The following PCDH15 variants were observed in gnomAD, a reference collection of about 807,000 sequenced individuals.
PCDH15 encodes the protein protocadherin related 15.
Under a neutral mutation model 178.5 loss-of-function variants are expected in PCDH15, and 129 were observed. That is an observed-to-expected ratio of 0.72 (90% CI 0.63 to 0.84). The LOEUF is 0.84. Among genes scored for constraint, PCDH15 ranks in the 40% least tolerant of loss-of-function variants. PCDH15 has a pLI of 0.00. For missense variants in PCDH15, 2,230 were observed against 2,099.9 expected (o/e 1.06, Z -1.21); for synonymous variants, 800 against 732.0 (o/e 1.09, Z -1.50).
chr10:54,700,802 G>A (rs2095299618), intron 1 of PCDH15, among the ~76,000 whole-genome samples: 2 of 151,998 alleles, frequency 1.3e-5, no homozygotes, highest in Non-Finnish European at 2.9e-5. Context: ...TGGGATATAG[G>A]CCATGAAAAT....
chr10:54,618,303 C>T (rs2093246508), intron 2 of PCDH15, among the ~76,000 whole-genome samples: 1 of 151,946 alleles, frequency 6.6e-6, no homozygotes, highest in African/African-American at 2.4e-5. Flanking sequence ...TTACAAATGC[C>T]CTATTAGGTT....
intron 26 of PCDH15, among the ~76,000 whole-genome samples, chr10:53,896,367 T>G (rs1564710819): frequency 6.6e-6 from 1 of 152,232 alleles, no homozygotes; most frequent in Non-Finnish European, 1.5e-5. Context: ...TCTTTTTTGT[T>G]GACTACATAG....
chr10:53,809,497 C>T, intron 37 of PCDH15: 1 of 1,613,112 alleles, frequency 6.2e-7, no homozygotes, highest in Non-Finnish European at 8.5e-7. Flanking sequence ...TTCCTCCTCA[C>T]TAGGCTCTCT....
At chr10:53,815,122 A>G (rs1355319083) in intron 35 of PCDH15, among the ~76,000 whole-genome samples, 1 of 152,184 alleles carries the variant, frequency 6.6e-6, no homozygotes, top group African/African-American at 2.4e-5. Flanking sequence ...TTAGAAAAGT[A>G]TGCAAAGTAA....
intron 2 of PCDH15, among the ~76,000 whole-genome samples, chr10:55,473,157 T>G (rs1839998315): frequency 6.6e-6 from 1 of 152,124 alleles, no homozygotes; most frequent in African/African-American, 2.4e-5. Flanking sequence ...AATATTAACG[T>G]TGTGGCAGAA....
chr10:55,116,531 A>G (rs1446967006), intron 2 of PCDH15, among the ~76,000 whole-genome samples: 1 of 152,152 alleles, frequency 6.6e-6, no homozygotes, highest in Non-Finnish European at 1.5e-5. Flanking sequence ...ATATGCATCA[A>G]GTGAGGGTAA....
At chr10:53,870,042 G>T (rs982386896) in intron 26 of PCDH15, among the ~76,000 whole-genome samples, 6 of 152,136 alleles carry the variant, frequency 3.9e-5, no homozygotes, top group African/African-American at 1.4e-4. Context: ...AAAAGAAAAG[G>T]TGGTTACCAT....
At chr10:55,499,094 C>T (rs1840597294) in intron 2 of PCDH15, among the ~76,000 whole-genome samples, 1 of 151,764 alleles carries the variant, frequency 6.6e-6, no homozygotes, top group South Asian at 2.1e-4. Flanking sequence ...TGGCAGAGTA[C>T]TGAATTTTCA....
intron 2 of PCDH15, among the ~76,000 whole-genome samples, chr10:54,531,738 G>A (rs1407293637): frequency 6.6e-6 from 1 of 152,054 alleles, no homozygotes; most frequent in Non-Finnish European, 1.5e-5. Context: ...TTAATAACTT[G>A]TGTATTGAAT....
intron 2 of PCDH15, among the ~76,000 whole-genome samples, chr10:55,465,457 C>A (rs765769054): frequency 3.3e-5 from 5 of 152,096 alleles, no homozygotes; most frequent in Admixed American, 1.3e-4. Flanking sequence ...CTGGCTGCAA[C>A]TAGGACCAAT....
intron 2 of PCDH15, among the ~76,000 whole-genome samples, chr10:55,439,765 G>A (rs1839136226): frequency 6.6e-6 from 1 of 152,076 alleles, no homozygotes; most frequent in South Asian, 2.1e-4. Flanking sequence ...ATAATTCAAA[G>A]CTGACAAACA....
chr10:54,786,826 A>C (rs1173741525), intron 1 of PCDH15, among the ~76,000 whole-genome samples: 1 of 151,898 alleles, frequency 6.6e-6, no homozygotes. Context: ...AGTATTTTAT[A>C]ATAATGAGAA....
intron 2 of PCDH15, among the ~76,000 whole-genome samples, chr10:55,035,548 T>TA (rs1443043023): frequency 2.6e-5 from 4 of 152,184 alleles, no homozygotes; most frequent in Non-Finnish European, 5.9e-5. Flanking sequence ...CATCACAGCG[T>TA]AATAAAGTTA....
chr10:55,569,481 CA>C (rs1842365679), intron 2 of PCDH15, among the ~76,000 whole-genome samples: 1 of 151,406 alleles, frequency 6.6e-6, no homozygotes, highest in African/African-American at 2.4e-5. Flanking sequence ...GTTAATTACT[CA>C]AAAAATAAAT....
At chr10:54,396,703 T>C (rs1308599776) in intron 3 of PCDH15, among the ~76,000 whole-genome samples, 2 of 152,232 alleles carry the variant, frequency 1.3e-5, no homozygotes, top group East Asian at 1.9e-4. Context: ...TGCAATAACA[T>C]AAAGTAGAAA....
intron 18 of PCDH15, among the ~76,000 whole-genome samples, chr10:54,061,712 G>A (rs996377366): frequency 4.6e-5 from 7 of 151,706 alleles, no homozygotes; most frequent in Non-Finnish European, 1.0e-4. Context: ...GTATTTACTA[G>A]GTTTTGAGTA....
Position 54,993,309 on chromosome 10 carries a change from A to G in PCDH15, c.-79-95809T>C, listed in dbSNP as rs577510249. Among the ~76,000 whole-genome samples the G allele has an allele frequency of 2.0e-5, 3 of 152,312 alleles. No homozygotes were observed. In the South Asian group the frequency reaches 6.2e-4, roughly 32 times the overall value. On this transcript the variant is annotated intron_variant, in intron 2 of 5. Coordinates refer to the PCDH15 transcript ENST00000458638. ...CCAAATTTGATTAGCCATAGAACTG[A>G]AAGCTTCTGAGGTTGGGTGTGAGAG... is the stretch of plus-strand genomic sequence containing the variant.
intron 25 of PCDH15, among the ~76,000 whole-genome samples, chr10:53,934,972 A>T (rs1242476269): frequency 3.3e-5 from 5 of 151,950 alleles, no homozygotes; most frequent in Non-Finnish European, 7.4e-5. Context: ...AAAAATCCCT[A>T]AATGAGACTT....
intron 1 of PCDH15, among the ~76,000 whole-genome samples, chr10:55,280,595 T>G (rs1352003118): frequency 6.6e-6 from 1 of 151,800 alleles, no homozygotes; most frequent in Non-Finnish European, 1.5e-5. Context: ...GGCCTGTTGA[T>G]TCTTTATAAG....
Sources: gnomAD v4.1 joint callset for allele counts (sites outside exome capture counted in the v4.1 genomes callset) on GRCh38, gnomAD v4.1.1 for gene constraint, MANE v1.5 for transcripts, NCBI Gene and HGNC (gene_info 2026-07-23, HGNC 2026-07-21) for gene names.